Variants in CTNNA2 observed in about 807,000 individuals in gnomAD.
The protein encoded by CTNNA2 is catenin alpha 2, also known as catenin alpha-2.
Under a neutral mutation model 101.0 loss-of-function variants are expected in CTNNA2, and 42 were observed. That is an observed-to-expected ratio of 0.42 (90% CI 0.32 to 0.54). CTNNA2 has a LOEUF of 0.54. Ranked by LOEUF, CTNNA2 falls within the 20% of genes least tolerant of loss-of-function variation. CTNNA2 has a pLI of 0.14. For synonymous variants in CTNNA2, 450 were observed against 456.4 expected (o/e 0.99, Z 0.18); for missense variants, 871 against 1,223.1 (o/e 0.71, Z 4.29).
intron 1 of CTNNA2, among the ~76,000 whole-genome samples, chr2:79,643,991 A>G (rs1349434326): frequency 6.6e-6 from 1 of 151,808 alleles, no homozygotes; most frequent in East Asian, 1.9e-4. Context: ...CTGTATCTCT[A>G]TCATGTTCTC....
chr2:80,457,844 T>G (rs1220344045), intron 9 of CTNNA2, among the ~76,000 whole-genome samples: 1 of 152,240 alleles, frequency 6.6e-6, no homozygotes, highest in African/African-American at 2.4e-5. Context: ...TTGTTTTTTT[T>G]CTCTTGTTTA....
chr2:80,274,270 T>C (rs368486028), intron 7 of CTNNA2, among the ~76,000 whole-genome samples: 2 of 152,184 alleles, frequency 1.3e-5, no homozygotes, highest in African/African-American at 4.8e-5. Flanking sequence ...TGCTTTATAA[T>C]TCAGCCAGAG....
chr2:80,179,023 A>G (rs1705585626), intron 7 of CTNNA2, among the ~76,000 whole-genome samples: 1 of 152,220 alleles, frequency 6.6e-6, no homozygotes, highest in African/African-American at 2.4e-5. Flanking sequence ...GATCTTTGTG[A>G]ACAAGATCAT....
intron 7 of CTNNA2, among the ~76,000 whole-genome samples, chr2:80,277,648 A>T (rs185123261): frequency 6.6e-6 from 1 of 151,726 alleles, no homozygotes; most frequent in Admixed American, 6.6e-5. Flanking sequence ...TTCTGGTGAG[A>T]GGAACAAAAT....
intron 2 of CTNNA2, among the ~76,000 whole-genome samples, chr2:79,689,756 T>A (rs1485547809): frequency 9.2e-5 from 14 of 151,968 alleles, no homozygotes; most frequent in Admixed American, 8.5e-4. Flanking sequence ...GATGGAGAAT[T>A]ATAGCAGAAG....
At chr2:79,589,869 G>T (rs1245090160) in intron 1 of CTNNA2, among the ~76,000 whole-genome samples, 1 of 152,146 alleles carries the variant, frequency 6.6e-6, no homozygotes, top group African/African-American at 2.4e-5. Flanking sequence ...TTAGATAAAT[G>T]ATCTTGGCTA....
chr2:79,611,593 A>G (rs534653114), intron 1 of CTNNA2, among the ~76,000 whole-genome samples: 1 of 152,254 alleles, frequency 6.6e-6, no homozygotes, highest in Admixed American at 6.5e-5. Flanking sequence ...AGGATCAGGA[A>G]GGGCTTCTGT....
At chr2:80,347,053 T>C (rs1411515677) in intron 7 of CTNNA2, among the ~76,000 whole-genome samples, 1 of 152,242 alleles carries the variant, frequency 6.6e-6, no homozygotes, top group African/African-American at 2.4e-5. Flanking sequence ...GAGAAGCTGA[T>C]ACAGTAAATA....
intron 1 of CTNNA2, among the ~76,000 whole-genome samples, chr2:79,636,269 CA>C (rs57739991): frequency 0.073 from 4,930 of 67,202 alleles, 436 homozygotes; most frequent in African/African-American, 0.2. Context: ...GACTCTGTCT[CA>C]AAAAAAAAAA....
intron 7 of CTNNA2, among the ~76,000 whole-genome samples, chr2:80,238,246 G>A (rs755117506): frequency 4.6e-5 from 7 of 152,032 alleles, no homozygotes; most frequent in Non-Finnish European, 1.0e-4. Flanking sequence ...GGGGAATGGC[G>A]GCATGGCAGG....
At chr2:80,419,375 CA>C in intron 8 of CTNNA2, 73 bp from the exon 9 acceptor site, 1 of 1,242,412 alleles carries the variant, frequency 8.0e-7, no homozygotes, top group South Asian at 1.4e-5. Flanking sequence ...AGCTCAAAAA[CA>C]GTTTAGAAAA....
chr2:79,539,480 G>C lies in CTNNA2; in HGVS notation c.-6+26273G>C, dbSNP rs1673278745. On this transcript the variant is annotated intron_variant, in intron 1 of 18. Coordinates refer to ENST00000402739, the MANE Select transcript of CTNNA2 (RefSeq NM_001282597.3). ...GTATGAGGCCCTTGGAAGCAGTAATGTGAATTCTAGCAGCTCAAAGAATTC... is the reference window on the plus strand; with the variant it reads ...GTATGAGGCCCTTGGAAGCAGTAATCTGAATTCTAGCAGCTCAAAGAATTC... Among the ~76,000 whole-genome samples, 2 of 152,176 alleles carry C rather than the reference G, an allele frequency of 1.3e-5. 1 individual carries two copies. The highest frequency in any genetic ancestry group is 4.1e-4 in the South Asian group (2 of 4,830).
chr2:79,799,336 C>T (rs1330340200), intron 3 of CTNNA2, among the ~76,000 whole-genome samples: 1 of 151,936 alleles, frequency 6.6e-6, no homozygotes, highest in Non-Finnish European at 1.5e-5. Flanking sequence ...CCAAACACCA[C>T]ACCCCGCCTG....
chr2:80,019,481 G>T (rs1225264106), intron 7 of CTNNA2, among the ~76,000 whole-genome samples: 2 of 152,212 alleles, frequency 1.3e-5, no homozygotes, highest in Non-Finnish European at 2.9e-5. Flanking sequence ...GCATTTGCTA[G>T]CCCTAAAATA....
At chr2:80,360,571 A>G (rs469562) in intron 7 of CTNNA2, among the ~76,000 whole-genome samples, 75,487 of 151,852 alleles carry the variant, frequency 0.5, 21,665 homozygotes, top group African/African-American at 0.8. Flanking sequence ...TAATACTAAC[A>G]GAGTTTGAGG....
At chr2:79,998,860 C>A (rs1043977267) in intron 7 of CTNNA2, among the ~76,000 whole-genome samples, 1 of 152,138 alleles carries the variant, frequency 6.6e-6, no homozygotes, top group African/African-American at 2.4e-5. Context: ...CAATTACGAG[C>A]CTTCTGGTTT....
At chr2:80,571,578 AAAT>A (rs34096333) in intron 12 of CTNNA2, among the ~76,000 whole-genome samples, 1 of 104,640 alleles carries the variant, frequency 9.6e-6, no homozygotes, top group African/African-American at 3.6e-5. Context: ...GTATATGTTT[AAAT>A]AATGCACAGT....
intron 1 of CTNNA2, among the ~76,000 whole-genome samples, chr2:79,529,291 A>G (rs1452350977): frequency 6.6e-6 from 1 of 152,190 alleles, no homozygotes; most frequent in African/African-American, 2.4e-5. Flanking sequence ...GATTCAGGAC[A>G]AAGGCAAAGA....
intron 7 of CTNNA2, 78 bp downstream of exon 7, chr2:79,909,875 A>G (rs1685668728): frequency 1.4e-6 from 2 of 1,405,404 alleles, no homozygotes; most frequent in Non-Finnish European, 1.9e-6. Flanking sequence ...AAGCATAGAT[A>G]GCAGGAAAAG....
Sources: gnomAD v4.1 joint callset for allele counts (sites outside exome capture counted in the v4.1 genomes callset) on GRCh38, gnomAD v4.1.1 for gene constraint, MANE v1.5 for transcripts, NCBI Gene and HGNC (gene_info 2026-07-23, HGNC 2026-07-21) for gene names.